The following DCAF1 variants were observed in gnomAD, a reference collection of about 807,000 sequenced individuals.
DCAF1 encodes the protein DDB1- and CUL4-associated factor 1.
In DCAF1, 15 loss-of-function variants were observed where a neutral mutation model predicts 128.0. The observed-to-expected ratio is 0.12, with a 90% CI of 0.08 to 0.18. DCAF1 has a LOEUF of 0.18. Among genes scored for constraint, DCAF1 ranks in the 10% least tolerant of loss-of-function variants. The pLI, the probability that DCAF1 is intolerant of heterozygous loss-of-function variation, is 1.00. For synonymous variants in DCAF1, 610 were observed against 603.0 expected (o/e 1.01, Z -0.17); for missense variants, 988 against 1,649.5 (o/e 0.60, Z 6.95).
intron 6 of DCAF1, among the ~76,000 whole-genome samples, chr3:51,456,938 G>A (rs1249003369): frequency 2.6e-5 from 4 of 152,048 alleles, no homozygotes; most frequent in Admixed American, 6.6e-5. Context: ...AAAACGAAAG[G>A]TAGCTACAAC....
chr3:51,454,794 C>T (rs563597038), intron 6 of DCAF1, among the ~76,000 whole-genome samples: 1 of 152,270 alleles, frequency 6.6e-6, no homozygotes, highest in South Asian at 2.1e-4. Flanking sequence ...CTGCCTCAGC[C>T]TCCCGAGTAG....
At chr3:51,414,546 G>T in intron 19 of DCAF1, 78 bp downstream of exon 19, 2 of 1,557,992 alleles carry the variant, frequency 1.3e-6, no homozygotes, top group Admixed American at 3.6e-5. Context: ...CCAGGTATTG[G>T]TATAAAGATA....
chr3:51,490,233 T>G (rs1707471740), intron 2 of DCAF1, among the ~76,000 whole-genome samples: 1 of 152,094 alleles, frequency 6.6e-6, no homozygotes, highest in African/African-American at 2.4e-5. Context: ...TGGGGCAACA[T>G]GGCAAAACCT....
At chr3:51,441,306 T>A in intron 8 of DCAF1, 79 bp downstream of exon 8, 1 of 1,470,388 alleles carries the variant, frequency 6.8e-7, no homozygotes, top group Non-Finnish European at 9.1e-7. Context: ...TATCTTTGTA[T>A]AAAATACTAC....
In DCAF1 at chr3:51,428,392, G is replaced by A. The variant is rs537892627; in HGVS notation, c.1678-851C>T. On this transcript the variant is annotated intron_variant, in intron 12 of 24. Transcript: ENST00000684031. ...CAGACTGGAGTGCAGTGATATGATCGTAGCTCACTGCAGTCTTGAACTCCT... is the reference window on the plus strand; with the variant it reads ...CAGACTGGAGTGCAGTGATATGATCATAGCTCACTGCAGTCTTGAACTCCT... Among the ~76,000 whole-genome samples the A allele has an allele frequency of 2.0e-4, 27 of 133,216 alleles. No homozygotes were observed. The South Asian group carries it at 5.4e-3, about 27-fold the overall frequency. 87.4% of individuals were successfully genotyped at this position (133,216 alleles called of 152,430 possible).
At chr3:51,436,339 G>T in intron 9 of DCAF1, 2 of 519,250 alleles carry the variant, frequency 3.9e-6, no homozygotes, top group Admixed American at 3.9e-5. Flanking sequence ...GCTTAAGAGA[G>T]TTCAGAATGA....
At chr3:51,475,386 G>GACT (rs1364710003) in intron 3 of DCAF1, among the ~76,000 whole-genome samples, 30 of 152,090 alleles carry the variant, frequency 2.0e-4, no homozygotes, top group Non-Finnish European at 2.9e-4. Context: ...AAAATCACTA[G>GACT]AGGTAAGGAG....
At chr3:51,439,616 T>A (rs573057544) in intron 9 of DCAF1, among the ~76,000 whole-genome samples, 2 of 152,018 alleles carry the variant, frequency 1.3e-5, no homozygotes, top group Non-Finnish European at 1.5e-5. Context: ...TAATTCTGTC[T>A]GCTATTTCAT....
chr3:51,448,685 A>G (rs1553640800), intron 6 of DCAF1, among the ~76,000 whole-genome samples: 1 of 152,270 alleles, frequency 6.6e-6, no homozygotes. Flanking sequence ...AATAACTATT[A>G]CCGGTATAGT....
intron 1 of DCAF1, among the ~76,000 whole-genome samples, chr3:51,498,471 CTCA>C (rs1186149782): frequency 2.0e-5 from 3 of 151,928 alleles, no homozygotes; most frequent in Non-Finnish European, 4.4e-5. Flanking sequence ...GGTGTAGTGG[CTCA>C]TGTCTGTAAT....
intron 5 of DCAF1, among the ~76,000 whole-genome samples, chr3:51,463,853 C>T (rs1244045817): frequency 1.3e-5 from 2 of 151,968 alleles, no homozygotes; most frequent in Non-Finnish European, 2.9e-5. Context: ...CTTCCATATA[C>T]ACTTTAATGA....
Position 51,430,175 on chromosome 3 carries a change from A to G in DCAF1, c.1325T>C (p.Val442Ala), listed in dbSNP as rs550730543. The stretch of plus-strand genomic sequence containing the variant: ...CTCCATTAACCACAGGGTATAGTTC[A>G]CCACATCAGACAGAACATTGTGGGG... ...MHPHNVLSDV[V>A]NYTLWLMECS... Residue 442 changes from valine to alanine, a missense_variant, in exon 11 of 25, where the codon GTG becomes GCG. Transcript: ENST00000684031. 1.3e-6 allele frequency: 1 copy of G among 780,712 alleles called. No individual in the cohort carries two copies. The highest frequency in any genetic ancestry group is 1.3e-5 in the South Asian group (1 of 74,604). 48.4% of individuals were successfully genotyped at this position (780,712 alleles called of 1,614,324 possible).
chr3:51,404,825 C>T (rs577977997), intron 23 of DCAF1, among the ~76,000 whole-genome samples: 22 of 152,290 alleles, frequency 1.4e-4, no homozygotes, highest in Non-Finnish European at 8.8e-5. Context: ...ACATCCCCTC[C>T]AGAGGTGAGT....
intron 24 of DCAF1, 101 bp from the exon 25 acceptor site, chr3:51,398,928 G>T: frequency 1.4e-6 from 2 of 1,415,636 alleles, no homozygotes; most frequent in East Asian, 2.5e-5. Flanking sequence ...CCCGAGCAAG[G>T]TTAACTACCA....
intron 6 of DCAF1, among the ~76,000 whole-genome samples, chr3:51,460,265 A>G (rs1329629324): frequency 6.6e-6 from 1 of 152,182 alleles, no homozygotes; most frequent in Non-Finnish European, 1.5e-5. Context: ...CACCAATAAC[A>G]CAGACAAACA....
At chr3:51,406,355 A>C (rs1471272533) in intron 23 of DCAF1, among the ~76,000 whole-genome samples, 1 of 151,244 alleles carries the variant, frequency 6.6e-6, no homozygotes, top group Non-Finnish European at 1.5e-5. Flanking sequence ...AAAAAAAAAA[A>C]AAAAAAAAAA....
In DCAF1 at chr3:51,420,324, G is replaced by C; in HGVS notation, c.2646C>G (p.Ser882=). 2 of 1,613,998 alleles carry C rather than the reference G, an allele frequency of 1.2e-6. No homozygotes were observed. Among genetic ancestry groups the C allele is most frequent in the Non-Finnish European group, 1.7e-6 (2 of 1,179,896 alleles). ...TGACTGGGGTAAAGGCAGAAGAATG[G>C]GAGGCAGCAGTCATGGGCAGGTCAG... ...KEADLPMTAA[S]HSSAFTPVTA... is the part of the protein sequence containing the mutation. The change falls in exon 15 of 25, where the codon TCC becomes TCG. Residue 882 remains serine (S), a synonymous_variant. Coordinates refer to ENST00000684031, the MANE Select transcript of DCAF1 (RefSeq NM_001387579.1). The surrounding 1 kb of genome is among the most constrained non-coding windows in gnomAD (Gnocchi z 6.5).
At chr3:51,483,609 T>TTGTG (rs57475291) in intron 3 of DCAF1, 110 bp downstream of exon 3, 32,331 of 473,126 alleles carry the variant, frequency 0.068, 618 homozygotes, top group African/African-American at 0.11. Flanking sequence ...TTAAACTAGT[T>TTGTG]TGTGTGTGTG....
At chr3:51,465,757 A>G (rs542506396) in intron 5 of DCAF1, among the ~76,000 whole-genome samples, 3 of 152,280 alleles carry the variant, frequency 2.0e-5, no homozygotes, top group African/African-American at 7.2e-5. Context: ...AAAAATAAAT[A>G]AGCAAATAAA....
Sources: allele counts gnomAD v4.1 joint callset (sites outside exome capture counted in the v4.1 genomes callset), GRCh38; gene constraint gnomAD v4.1.1; non-coding constraint Gnocchi (gnomAD v3.1); transcripts MANE v1.5; gene names NCBI Gene and HGNC (gene_info 2026-07-23, HGNC 2026-07-21).